SLC36A1: variants seen among roughly 807,000 people sequenced by gnomAD.
SLC36A1 encodes the protein proton-coupled amino acid transporter 1.
Under a neutral mutation model 47.5 loss-of-function variants are expected in SLC36A1, and 30 were observed. The observed-to-expected ratio is 0.63, with a 90% CI of 0.47 to 0.86. The LOEUF is 0.86. Ranked by LOEUF, SLC36A1 falls within the 40% of genes least tolerant of loss-of-function variation. The pLI is 0.00. For synonymous variants in SLC36A1, 255 were observed against 249.7 expected, an observed-to-expected ratio of 1.02 and a Z score of -0.20; for missense variants, 517 against 606.0, an observed-to-expected ratio of 0.85 and a Z score of 1.54.
At chr5:151,531,542 A>G in the SLC36A1 span, 1 of 1,606,938 alleles carries the variant, frequency 6.2e-7, no homozygotes, top group Non-Finnish European at 8.5e-7. The surrounding 1 kb of genome is among the most constrained non-coding windows in gnomAD (Gnocchi z 5.7). Flanking sequence ...CGCTCCCAGA[A>G]ACCCTGTACG....
chr5:151,375,409 A>T, the SLC36A1 span, among the ~76,000 whole-genome samples: 1 of 151,912 alleles, frequency 6.6e-6, no homozygotes. Flanking sequence ...ATTCTGTTCC[A>T]TTGGTCTTTG....
At chr5:151,424,876 A>G in the SLC36A1 span, among the ~76,000 whole-genome samples, 6 of 152,218 alleles carry the variant, frequency 3.9e-5, no homozygotes, top group African/African-American at 1.2e-4. Context: ...TTTAGGGGCA[A>G]TGCAATTTGT....
chr5:151,355,619 A>G, the SLC36A1 span, among the ~76,000 whole-genome samples: 1 of 152,140 alleles, frequency 6.6e-6, no homozygotes, highest in Admixed American at 6.5e-5. Context: ...TCCTAATTCT[A>G]TTGAGTGGAA....
the SLC36A1 span, among the ~76,000 whole-genome samples, chr5:151,405,343 C>CTTTTTTTTTTTTT: frequency 7.0e-5 from 6 of 85,234 alleles, no homozygotes; most frequent in African/African-American, 1.0e-4. Context: ...CTCTCTTTCT[C>CTTTTTTTTTTTTT]TTTTTTTTTT....
chr5:151,471,857 A>G (rs979280591), intron 7 of SLC36A1, among the ~76,000 whole-genome samples: 4 of 152,238 alleles, frequency 2.6e-5, no homozygotes, highest in Non-Finnish European at 4.4e-5. Context: ...AAATAGCCAT[A>G]CAGTTAAATC....
At chr5:151,423,060 C>T in the SLC36A1 span, among the ~76,000 whole-genome samples, 14 of 152,180 alleles carry the variant, frequency 9.2e-5, no homozygotes, top group Non-Finnish European at 1.6e-4. Context: ...CACCAGAGAA[C>T]TGCAAATCCA....
chr5:151,451,281 G>T (rs1157591037), intron 1 of SLC36A1, among the ~76,000 whole-genome samples: 3 of 152,092 alleles, frequency 2.0e-5, no homozygotes, highest in Admixed American at 1.3e-4. Flanking sequence ...TTGAACTCCT[G>T]AGCTCAAGCA....
the SLC36A1 span, chr5:151,347,374 C>T: frequency 6.2e-7 from 1 of 1,614,148 alleles, no homozygotes; most frequent in Non-Finnish European, 8.5e-7. Flanking sequence ...TGTTCTCCAA[C>T]TTCTTGGCAC....
the SLC36A1 span, chr5:151,549,261 AC>A: frequency 6.3e-7 from 1 of 1,597,710 alleles, no homozygotes; most frequent in African/African-American, 1.3e-5. Context: ...AAGCATCTTG[AC>A]CCATCCTCTG....
rs568429609 is a variant in SLC36A1, at chr5:151,454,152, C to T, written c.-5-4636C>T. Among the ~76,000 whole-genome samples the T allele has an allele frequency of 9.1e-5, 11 of 121,460 alleles. No individual in the cohort carries two copies. In the South Asian group the frequency reaches 2.8e-3, roughly 31 times the overall value. 79.7% of individuals were successfully genotyped at this position (121,460 alleles called of 152,430 possible). Reference sequence around the variant, plus strand: ...TTTTTTTACTCAGTTGCTCACTCTTCTGAGTCTAAATATCTAATGGAGATT... The same window carrying T: ...TTTTTTTACTCAGTTGCTCACTCTTTTGAGTCTAAATATCTAATGGAGATT... On this transcript the variant is annotated intron_variant, in intron 1 of 10. Coordinates refer to ENST00000243389, the MANE Select transcript of SLC36A1 (RefSeq NM_078483.4).
At chr5:151,512,225 C>G in the SLC36A1 span, 107 of 1,614,084 alleles carry the variant, frequency 6.6e-5, no homozygotes, top group Non-Finnish European at 9.0e-5. This position sits in a 1 kb window ranked among gnomAD's most constrained non-coding sequence, Gnocchi z 4.1. Context: ...CTGCAGTAGT[C>G]ACTGTGGAGG....
At chr5:151,354,303 CAAAT>C in the SLC36A1 span, among the ~76,000 whole-genome samples, 7 of 152,280 alleles carry the variant, frequency 4.6e-5, no homozygotes, top group African/African-American at 1.4e-4. Flanking sequence ...GATTCTGTCT[CAAAT>C]AAACAAAGAA....
In SLC36A1 at chr5:151,476,688, G is replaced by T. The variant is rs781753483; in HGVS notation, c.921G>T (p.Gly307=). 6 of 1,613,644 alleles carry T rather than the reference G, an allele frequency of 3.7e-6. No individual in the cohort carries two copies. Among genetic ancestry groups the T allele is most frequent in the East Asian group, 2.2e-5 (1 of 44,880 alleles). The change falls in exon 9 of 11, where the codon GGG becomes GGT. Residue 307 remains glycine (G), a synonymous_variant. Coordinates refer to ENST00000243389, the MANE Select transcript of SLC36A1 (RefSeq NM_078483.4). ...VIVTILYISL[G]CLGYLQFGAN... ...TCACCATCCTCTACATCAGCCTGGG[G>T]TGTCTGGGGTACCTGCAATTTGGAG...
chr5:151,424,364 T>C, the SLC36A1 span, among the ~76,000 whole-genome samples: 1,663 of 152,280 alleles, frequency 0.011, 70 homozygotes, highest in East Asian at 0.14. Flanking sequence ...GGACAGGTTT[T>C]AGGGACAAAA....
At chr5:151,425,029 G>T in the SLC36A1 span, among the ~76,000 whole-genome samples, 1 of 152,160 alleles carries the variant, frequency 6.6e-6, no homozygotes, top group Non-Finnish European at 1.5e-5. Context: ...ACAAAAAAAG[G>T]GCTAAGGCTC....
rs1476704602 is a variant in SLC36A1 at position 151,488,178 on chromosome 5, C to T, written c.1355C>T (p.Thr452Ile). The part of the protein sequence containing the change: ...ILGFVGFVVG[T>I]YEALYELIQP... ...GGCTTCGTGGGCTTTGTGGTGGGGA[C>T]CTATGAGGCTCTCTATGAGCTGATC... The change falls in exon 11 of 11, where the codon ACC becomes ATC. Residue 452 changes from threonine to isoleucine, a missense_variant. Coordinates refer to ENST00000243389, the MANE Select transcript of SLC36A1 (RefSeq NM_078483.4). 5 of 1,614,182 alleles carry T rather than the reference C, an allele frequency of 3.1e-6. No homozygotes were observed. The South Asian group carries it at 5.5e-5, about 18-fold the overall frequency.
At chr5:151,546,173 G>C in the SLC36A1 span, 3 of 1,614,038 alleles carry the variant, frequency 1.9e-6, no homozygotes, top group Non-Finnish European at 2.5e-6. Context: ...CTATCTGAGG[G>C]ATAGACATGA....
rs563119774 is a variant in SLC36A1, at chr5:151,491,361, C to G, written c.*3107C>G. ...AATGTGTGGCATCATTTCACTTCAG[C>G]CGCCCAATTCCATCTCTCCTCTGCA... On this transcript the variant is annotated 3_prime_UTR_variant, in exon 11 of 11. Transcript: ENST00000243389. 1.1e-3 allele frequency: 161 copies of G among 152,770 alleles called. No homozygotes were observed. The highest frequency in any genetic ancestry group is 3.8e-3 in the African/African-American group (158 of 41,562). 9.5% of individuals were successfully genotyped at this position (152,770 alleles called of 1,614,324 possible).
At chr5:151,553,334 G>T in the SLC36A1 span, 2 of 1,614,274 alleles carry the variant, frequency 1.2e-6, no homozygotes, top group Non-Finnish European at 1.7e-6. Context: ...TCCACTCAAT[G>T]TGTAGCCGGA....
Sources: gnomAD v4.1 joint callset for allele counts (sites outside exome capture counted in the v4.1 genomes callset) on GRCh38, gnomAD v4.1.1 for gene constraint, Gnocchi (gnomAD v3.1) non-coding constraint, MANE v1.5 for transcripts, NCBI Gene and HGNC (gene_info 2026-07-23, HGNC 2026-07-21) for gene names.